Variants in COL18A1 observed in about 807,000 individuals in gnomAD.
COL18A1 encodes the protein collagen alpha-1(XVIII) chain.
Under a neutral mutation model 168.0 loss-of-function variants are expected in COL18A1, and 133 were observed. That is an observed-to-expected ratio of 0.79 (90% CI 0.69 to 0.91). The LOEUF is 0.91. Ranked by LOEUF, COL18A1 falls within the 40% of genes least tolerant of loss-of-function variation. The pLI, the probability that COL18A1 is intolerant of heterozygous loss-of-function variation, is 0.00. For synonymous variants in COL18A1, 949 were observed against 809.0 expected, an observed-to-expected ratio of 1.17 and a Z score of -2.94; for missense variants, 2,126 against 1,925.4, an observed-to-expected ratio of 1.10 and a Z score of -1.95.
At chr21:45,435,724 C>T (rs1174501925) in intron 2 of COL18A1, among the ~76,000 whole-genome samples, 1 of 152,086 alleles carries the variant, frequency 6.6e-6, no homozygotes, top group Non-Finnish European at 1.5e-5. Flanking sequence ...GAAGGGTCTG[C>T]CGTGGGCTGA....
intron 2 of COL18A1, among the ~76,000 whole-genome samples, chr21:45,437,488 ACACT>A (rs1402467321): frequency 1.6e-3 from 114 of 71,112 alleles, no homozygotes; most frequent in Non-Finnish European, 2.2e-3. Context: ...GCACACACTC[ACACT>A]CACACACAGG....
Position 45,457,434 on chromosome 21 carries a change from C to T in COL18A1, c.107-10808C>T, listed in dbSNP as rs2034875726. ...CGTCCTGAGAGGGAGCCTTTCATGTCCCCCTCCCCATCCTGAAGCACACAG... is the reference window on the plus strand; with the variant it reads ...CGTCCTGAGAGGGAGCCTTTCATGTTCCCCTCCCCATCCTGAAGCACACAG... On this transcript the variant is annotated intron_variant, in intron 2 of 41. Transcript: ENST00000651438. This position sits in a 1 kb window ranked among gnomAD's most constrained non-coding sequence, Gnocchi z 4.6. Among the ~76,000 whole-genome samples the T allele has an allele frequency of 6.6e-6, 1 of 152,204 alleles. No individual in the cohort carries two copies. The highest frequency in any genetic ancestry group is 1.5e-5 in the Non-Finnish European group (1 of 68,024).
intron 15 of COL18A1, 119 bp from the exon 16 acceptor site, chr21:45,486,742 T>C: frequency 8.6e-7 from 1 of 1,160,124 alleles, no homozygotes; most frequent in Non-Finnish European, 1.2e-6. Context: ...TGGCAGAATG[T>C]TCCTTACCTT....
chr21:45,410,370 C>T (rs1396554422), intron 2 of COL18A1, among the ~76,000 whole-genome samples: 1 of 152,344 alleles, frequency 6.6e-6, no homozygotes, highest in African/African-American at 2.4e-5. Context: ...AGAAGGCCAG[C>T]AGGCTTGCGA....
At position 45,505,222 on chromosome 21, in the gene COL18A1, C is replaced by T. The variant is rs1456535457; in HGVS notation, c.2957C>T (p.Pro986Leu). 3 of 1,601,036 alleles carry T rather than the reference C, an allele frequency of 1.9e-6. No homozygotes were observed. The highest frequency in any genetic ancestry group is 2.6e-6 in the Non-Finnish European group (3 of 1,173,436). ...PGIGYEGRQG[P>L]PGPPGPPGPP... is the part of the protein sequence containing the mutation. ...ATCGGCTACGAGGGGCGCCAGGGCC[C>T]TCCCGGCCCCCCAGGCCCCCCAGGG... The change falls in exon 35 of 42, where the codon CCT becomes CTT. Residue 986 changes from proline (P) to leucine (L), a missense_variant. Transcript: ENST00000651438.
rs75496487 is a variant in COL18A1, at chr21:45,463,437, G to C, written c.107-4805G>C. Among the ~76,000 whole-genome samples, 4,271 of 152,278 alleles carry C rather than the reference G, an allele frequency of 0.028. 205 individuals carry two copies. Among genetic ancestry groups the C allele is most frequent in the African/African-American group, 0.097 (4,028 of 41,522 alleles). ...CACCCGTTACCGTCCAAGCCTTCCT[G>C]TGGACATTGCAAGCTTTCAGTAGAC... On this transcript the variant is annotated intron_variant, in intron 2 of 41. Transcript: ENST00000651438. The surrounding 1 kb of genome is among the most constrained non-coding windows in gnomAD (Gnocchi z 4.0).
At chr21:45,415,073 G>A (rs1375080572) in intron 2 of COL18A1, among the ~76,000 whole-genome samples, 1 of 152,184 alleles carries the variant, frequency 6.6e-6, no homozygotes, top group Non-Finnish European at 1.5e-5. Context: ...AGCTCTGAGG[G>A]ATGCCTGTGT....
intron 2 of COL18A1, among the ~76,000 whole-genome samples, chr21:45,438,127 CCTG>C (rs1328522039): frequency 9.1e-6 from 1 of 109,648 alleles, no homozygotes. Flanking sequence ...CAGGCACTCT[CCTG>C]CACACACACA....
At chr21:45,509,974 A>T in intron 39 of COL18A1, 90 bp from the exon 40 acceptor site, 1 of 1,438,038 alleles carries the variant, frequency 7.0e-7, no homozygotes, top group Non-Finnish European at 9.4e-7. Context: ...GTGCCTGTCC[A>T]CACAGGTGCG....
chr21:45,505,044 G>T (rs1335756533), intron 34 of COL18A1, 90 bp from the exon 35 acceptor site: 1 of 1,514,590 alleles, frequency 6.6e-7, no homozygotes, highest in East Asian at 2.4e-5. Flanking sequence ...GCTCGCCAAG[G>T]GGGTCTTGGC....
At chr21:45,453,783 G>T (rs1397376490) in intron 2 of COL18A1, among the ~76,000 whole-genome samples, 2 of 152,298 alleles carry the variant, frequency 1.3e-5, no homozygotes, top group East Asian at 3.9e-4. Context: ...TCCAAGTGTG[G>T]CCCCGAGGGC....
chr21:45,415,792 C>T (rs984974869), intron 2 of COL18A1, among the ~76,000 whole-genome samples: 9 of 152,190 alleles, frequency 5.9e-5, no homozygotes, highest in Non-Finnish European at 1.2e-4. Context: ...GCGCTGCAGC[C>T]GGGTGGAGCC....
At chr21:45,477,997 G>T (rs1350167191) in intron 8 of COL18A1, 32 bp downstream of exon 8, 2 of 1,167,876 alleles carry the variant, frequency 1.7e-6, no homozygotes, top group South Asian at 2.6e-5. Context: ...AGTCCGGCCC[G>T]GTCTGGAGGG....
chr21:45,498,302 T>A lies in COL18A1; in HGVS notation c.2683+641T>A. 1 of 705,808 alleles carries A rather than the reference T, an allele frequency of 1.4e-6. No homozygotes were observed. 43.7% of individuals were successfully genotyped at this position (705,808 alleles called of 1,614,324 possible). ...GGCGCCTTTCACCACCAGGGTCCCC[T>A]CTCGCCGCCACGGTCCCCTCTCGCC... On this transcript the variant is annotated intron_variant, in intron 32 of 41. Coordinates refer to ENST00000651438, the MANE Select transcript of COL18A1 (RefSeq NM_001379500.1). This position sits in a 1 kb window ranked among gnomAD's most constrained non-coding sequence, Gnocchi z 4.5.
chr21:45,407,420 C>T (rs2033149634), intron 2 of COL18A1: 1 of 152,236 alleles, frequency 6.6e-6, no homozygotes, highest in Non-Finnish European at 1.5e-5. Context: ...CGCTGTGATG[C>T]TGAGGTTCTT....
At chr21:45,442,926 GGTGGTGGTGCTGGTGTGGGCA>G (rs1569292020) in intron 2 of COL18A1, among the ~76,000 whole-genome samples, 38 of 108,796 alleles carry the variant, frequency 3.5e-4, no homozygotes, top group African/African-American at 1.5e-3. Flanking sequence ...TGGTGTGGGC[GGTGGTGGTGCTGGTGTGGGCA>G]GCGGTGCTGA....
chr21:45,502,178 C>A (rs535312965), intron 32 of COL18A1, among the ~76,000 whole-genome samples: 6 of 152,350 alleles, frequency 3.9e-5, no homozygotes, highest in Non-Finnish European at 8.8e-5. Flanking sequence ...TGACCTCCAA[C>A]CCCAGGGACG....
At chr21:45,413,949 A>T (rs528929123) in intron 2 of COL18A1, among the ~76,000 whole-genome samples, 1 of 152,192 alleles carries the variant, frequency 6.6e-6, no homozygotes, top group Non-Finnish European at 1.5e-5. Context: ...GGCGTCTTCT[A>T]GTATAAATTC....
rs1371843255 is a variant in COL18A1 at position 45,480,461 on chromosome 21, C to T, written c.1399-6C>T. 2 of 1,614,132 alleles carry T rather than the reference C, an allele frequency of 1.2e-6. No individual in the cohort carries two copies. Among genetic ancestry groups the T allele is most frequent in the Non-Finnish European group, 8.5e-7 (1 of 1,180,020 alleles). ...GGCAACGTGTCTCTCCGGCTCTTTT[C>T]CTCAGACCTTCATTGACATGGAGGG... is the stretch of plus-strand genomic sequence containing the variant. On this transcript the variant is annotated splice_polypyrimidine_tract_variant and splice_region_variant and intron_variant, in intron 11 of 41. Coordinates refer to ENST00000651438, the MANE Select transcript of COL18A1 (RefSeq NM_001379500.1).
Sources: gnomAD v4.1 joint callset for allele counts (sites outside exome capture counted in the v4.1 genomes callset) on GRCh38, gnomAD v4.1.1 for gene constraint, Gnocchi (gnomAD v3.1) non-coding constraint, MANE v1.5 for transcripts, NCBI Gene and HGNC (gene_info 2026-07-23, HGNC 2026-07-21) for gene names.